Variants in TANC2 observed in about 807,000 individuals in gnomAD.
TANC2 encodes the protein tetratricopeptide repeat, ankyrin repeat and coiled-coil containing 2.
A neutral mutation model predicts 210.5 loss-of-function variants in TANC2; 26 were observed. The observed-to-expected ratio is 0.12, with a 90% CI of 0.09 to 0.17. TANC2 has a LOEUF of 0.17. TANC2 is among the 10% of genes least tolerant of loss of function. TANC2 has a pLI of 1.00. For synonymous variants in TANC2, 931 were observed against 967.1 expected, an observed-to-expected ratio of 0.96 and a Z score of 0.69; for missense variants, 2,129 against 2,608.9, an observed-to-expected ratio of 0.82 and a Z score of 4.01.
intron 9 of TANC2, among the ~76,000 whole-genome samples, chr17:63,279,773 A>G (rs1348912747): frequency 1.3e-5 from 2 of 152,130 alleles, no homozygotes; most frequent in Non-Finnish European, 2.9e-5. Context: ...GATTGTTCCC[A>G]AGGAGTCCCC....
At chr17:62,999,747 C>T (rs2033285287) in intron 1 of TANC2, among the ~76,000 whole-genome samples, 2 of 151,950 alleles carry the variant, frequency 1.3e-5, no homozygotes, top group African/African-American at 4.8e-5. Context: ...GGTATATGCC[C>T]AAAGCAATGT....
chr17:63,359,936 C>T (rs892949275), intron 14 of TANC2, among the ~76,000 whole-genome samples: 3 of 152,096 alleles, frequency 2.0e-5, no homozygotes, highest in Non-Finnish European at 4.4e-5. Context: ...AGTGGTTTGT[C>T]GAGGTTTTTC....
chr17:63,061,680 G>C (rs2036003905), intron 2 of TANC2, among the ~76,000 whole-genome samples: 1 of 151,834 alleles, frequency 6.6e-6, no homozygotes, highest in Non-Finnish European at 1.5e-5. Flanking sequence ...TCTGAAAAGG[G>C]ATCTTGAATT....
In TANC2 at chr17:63,194,231, T is replaced by C. The variant is rs1226319839; in HGVS notation, c.582+92T>C. ...CAATTGTTGAATGCCTTTTGAGGCCTAGAATACAACTTAACTTTCCATAAT... is the reference window on the plus strand; with the variant it reads ...CAATTGTTGAATGCCTTTTGAGGCCCAGAATACAACTTAACTTTCCATAAT... On this transcript the variant is annotated intron_variant, in intron 6 of 27. Transcript: ENST00000689528. The C allele has an allele frequency of 2.4e-6, 3 of 1,268,096 alleles. No homozygotes were observed. In the African/African-American group the frequency reaches 4.5e-5, roughly 19 times the overall value. 78.6% of individuals were successfully genotyped at this position (1,268,096 alleles called of 1,614,324 possible).
intron 14 of TANC2, among the ~76,000 whole-genome samples, chr17:63,361,901 C>T (rs189020741): frequency 9.7e-4 from 148 of 152,330 alleles, no homozygotes; most frequent in Middle Eastern, 3.4e-3. Flanking sequence ...TGCAAGTGTC[C>T]AGTTCTCACC....
At chr17:63,258,371 A>C (rs1393563333) in intron 8 of TANC2, among the ~76,000 whole-genome samples, 1 of 152,066 alleles carries the variant, frequency 6.6e-6, no homozygotes, top group Non-Finnish European at 1.5e-5. Context: ...CTTTTACTTG[A>C]ATGTTAATAT....
chr17:63,355,162 C>G (rs2046743979), exon 14 of TANC2: 5 of 1,613,880 alleles, frequency 3.1e-6, no homozygotes, highest in Non-Finnish European at 3.4e-6. Context: ...CTGAATGTGG[C>G]AGTGGCCTCT....
rs748373533 is a variant in TANC2, at chr17:63,415,619, G to A, written c.4112G>A (p.Arg1371Gln). 17 of 1,613,578 alleles carry A rather than the reference G, an allele frequency of 1.1e-5. No individual in the cohort carries two copies. Among genetic ancestry groups the A allele is most frequent in the South Asian group, 4.4e-5 (4 of 91,066 alleles). ...TTTGGTGAGGACTTGAAAACTTTCCGGGAACTAAAGGTGTCTCTCCTCCTC... is the reference window on the plus strand; with the variant it reads ...TTTGGTGAGGACTTGAAAACTTTCCAGGAACTAAAGGTGTCTCTCCTCCTC... Residue 1371 changes from arginine (R) to glutamine (Q), a missense_variant, in exon 26 of 28, where the codon CGG becomes CAG. Physicochemically the swap from Arg to Gln is conservative, Grantham distance 43. Around this residue, in one of 5 missense-constraint regions of TANC2, gnomAD observed 644 missense variants for 937.5 expected, o/e 0.69. Transcript: ENST00000689528.
At chr17:63,299,265 T>A (rs2044633342) in intron 9 of TANC2, among the ~76,000 whole-genome samples, 1 of 152,228 alleles carries the variant, frequency 6.6e-6, no homozygotes, top group South Asian at 2.1e-4. Context: ...TAAAATGATT[T>A]CTATTCCTTT....
chr17:63,347,627 GTACTT>G (rs1478840464), intron 12 of TANC2, among the ~76,000 whole-genome samples: 1 of 152,082 alleles, frequency 6.6e-6, no homozygotes, highest in Admixed American at 6.6e-5. Context: ...ATTTTTCACA[GTACTT>G]TAAAGTTCCA....
chr17:63,289,565 A>G (rs1377462191), intron 9 of TANC2, among the ~76,000 whole-genome samples: 1 of 151,982 alleles, frequency 6.6e-6, no homozygotes, highest in Admixed American at 6.6e-5. Context: ...TAGGATTTCC[A>G]TCTCTTTGCT....
intron 4 of TANC2, among the ~76,000 whole-genome samples, chr17:63,119,517 C>G (rs998619044): frequency 1.3e-5 from 2 of 152,138 alleles, no homozygotes; most frequent in African/African-American, 4.8e-5. Context: ...GATTTTGCTT[C>G]CGTCATCTAT....
intron 5 of TANC2, among the ~76,000 whole-genome samples, chr17:63,174,403 G>GC (rs1235077520): frequency 7.2e-5 from 11 of 152,090 alleles, no homozygotes; most frequent in South Asian, 4.2e-4. Context: ...TCAAAGTGTT[G>GC]CCCCCCCAAA....
chr17:63,424,619 A>G (rs991354131), exon 28 of TANC2: 7 of 152,224 alleles, frequency 4.6e-5, no homozygotes, highest in African/African-American at 7.2e-5. Context: ...ACTTCAGTTT[A>G]ATAGGTTTCT....
chr17:63,160,854 T>C (rs746563364), intron 5 of TANC2, among the ~76,000 whole-genome samples: 1 of 152,224 alleles, frequency 6.6e-6, no homozygotes, highest in Non-Finnish European at 1.5e-5. Flanking sequence ...GTTTGTCTCT[T>C]CACATGTCCT....
At chr17:63,374,756 G>C (rs866274900) in intron 14 of TANC2, among the ~76,000 whole-genome samples, 56 of 152,122 alleles carry the variant, frequency 3.7e-4, no homozygotes, top group African/African-American at 1.3e-3. Flanking sequence ...ATAGGCAAGG[G>C]ACAAATTATA....
At chr17:63,381,498 G>C (rs2047607236) in intron 15 of TANC2, 1 of 152,202 alleles carries the variant, frequency 6.6e-6, no homozygotes, top group South Asian at 2.1e-4. Flanking sequence ...TGCACCAGCT[G>C]TGGGTCAAAG....
chr17:63,044,227 G>A (rs903274481), intron 2 of TANC2, among the ~76,000 whole-genome samples: 4 of 152,086 alleles, frequency 2.6e-5, no homozygotes, highest in Non-Finnish European at 4.4e-5. Context: ...ATATAGACCA[G>A]ACAGATTTAG....
At chr17:62,998,251 G>A (rs1228009191) in intron 1 of TANC2, among the ~76,000 whole-genome samples, 1 of 152,200 alleles carries the variant, frequency 6.6e-6, no homozygotes, top group African/African-American at 2.4e-5. Flanking sequence ...CAGAATCTCT[G>A]AGAAATATGG....
Sources: allele counts gnomAD v4.1 joint callset (sites outside exome capture counted in the v4.1 genomes callset), GRCh38; gene constraint gnomAD v4.1.1; regional missense constraint gnomAD v4.1.1; transcripts MANE v1.5; gene names NCBI Gene and HGNC (gene_info 2026-07-23, HGNC 2026-07-21).